The following TENM4 variants were observed in gnomAD, a reference collection of about 807,000 sequenced individuals.
TENM4 encodes teneurin transmembrane protein 4, also known as teneurin-4.
TENM4 carries 82 observed loss-of-function variants against 243.3 expected under a neutral mutation model. The observed-to-expected ratio is 0.34, with a 90% confidence interval of 0.28 to 0.40. TENM4 has a LOEUF of 0.40. TENM4 is among the 10% of genes least tolerant of loss of function. TENM4 has a pLI of 1.00. For synonymous variants in TENM4, 1,412 were observed against 1,456.3 expected (o/e 0.97, Z 0.69); for missense variants, 3,138 against 3,673.3 (o/e 0.85, Z 3.77).
At chr11:78,964,061 CT>C (rs1323438771) in intron 6 of TENM4, among the ~76,000 whole-genome samples, 11 of 124,208 alleles carry the variant, frequency 8.9e-5, no homozygotes, top group Non-Finnish European at 1.6e-4. Flanking sequence ...TTTTTTTCCC[CT>C]AGATGGAGTC....
intron 1 of TENM4, among the ~76,000 whole-genome samples, chr11:79,410,800 T>G (rs1474791856): frequency 6.6e-6 from 1 of 152,144 alleles, no homozygotes; most frequent in South Asian, 2.1e-4. Context: ...ATTTAATAAG[T>G]GTGAGTTTCT....
chr11:79,116,144 C>G (rs573718044), intron 4 of TENM4, among the ~76,000 whole-genome samples: 1 of 152,140 alleles, frequency 6.6e-6, no homozygotes, highest in Non-Finnish European at 1.5e-5. Context: ...TTGGTCTTAC[C>G]GTAGGTTTCT....
chr11:79,381,554 G>A (rs931836760), intron 1 of TENM4, among the ~76,000 whole-genome samples: 13 of 150,318 alleles, frequency 8.6e-5, no homozygotes, highest in Admixed American at 2.0e-4. Flanking sequence ...ACTCTGGACC[G>A]AATTTGGGGC....
chr11:79,034,778 T>C (rs1859334364), intron 6 of TENM4, among the ~76,000 whole-genome samples: 1 of 152,136 alleles, frequency 6.6e-6, no homozygotes, highest in African/African-American at 2.4e-5. Context: ...CATGATGATA[T>C]GCACGGACCT....
intron 1 of TENM4, chr11:79,422,282 C>CACACAG (rs1491326331): frequency 1.9e-4 from 29 of 150,656 alleles, no homozygotes; most frequent in African/African-American, 6.7e-4. Context: ...CACACACACA[C>CACACAG]AGAGTAAAGG....
At chr11:79,286,440 G>T (rs1856252502) in intron 2 of TENM4, among the ~76,000 whole-genome samples, 1 of 150,844 alleles carries the variant, frequency 6.6e-6, no homozygotes. Context: ...ATCACCTGAG[G>T]TCAGAAGTTT....
chr11:79,124,241 A>C (rs973776372), intron 4 of TENM4, among the ~76,000 whole-genome samples: 1 of 152,162 alleles, frequency 6.6e-6, no homozygotes, highest in Non-Finnish European at 1.5e-5. Context: ...GATTGGATTG[A>C]AGGATACAAA....
At chr11:79,414,775 A>G (rs940030533) in intron 1 of TENM4, among the ~76,000 whole-genome samples, 26 of 152,270 alleles carry the variant, frequency 1.7e-4, no homozygotes, top group Non-Finnish European at 5.9e-5. Flanking sequence ...GAGCAGAGAC[A>G]TGGAACCCAA....
intron 3 of TENM4, among the ~76,000 whole-genome samples, chr11:79,163,640 G>A (rs1862806547): frequency 6.6e-6 from 1 of 151,752 alleles, no homozygotes; most frequent in South Asian, 2.1e-4. Context: ...AACATATGAT[G>A]TCTGGTTTTC....
intron 6 of TENM4, among the ~76,000 whole-genome samples, chr11:78,986,130 GGGTA>G (rs1428029792): frequency 6.6e-6 from 1 of 152,148 alleles, no homozygotes; most frequent in Non-Finnish European, 1.5e-5. Flanking sequence ...AGGGATGCTG[GGGTA>G]GATAAAATGT....
chr11:78,888,663 G>T (rs1855597318), intron 9 of TENM4, among the ~76,000 whole-genome samples: 1 of 152,184 alleles, frequency 6.6e-6, no homozygotes, highest in African/African-American at 2.4e-5. Context: ...GACAGCCCCT[G>T]TTCAGCCACA....
At chr11:78,943,126 T>C (rs1441140594) in intron 6 of TENM4, among the ~76,000 whole-genome samples, 2 of 152,210 alleles carry the variant, frequency 1.3e-5, no homozygotes, top group Non-Finnish European at 2.9e-5. Flanking sequence ...ATATCCTTAA[T>C]GAATGTGCAC....
intron 3 of TENM4, among the ~76,000 whole-genome samples, chr11:79,177,254 C>A (rs1382361060): frequency 6.6e-6 from 1 of 152,096 alleles, no homozygotes; most frequent in Admixed American, 6.5e-5. Context: ...TTGGAGCCCC[C>A]TTGGTTTTCA....
chr11:78,745,031 T>C (rs2135923204), intron 19 of TENM4, among the ~76,000 whole-genome samples: 1 of 152,306 alleles, frequency 6.6e-6, no homozygotes. Context: ...CTTCCATTTG[T>C]ATTTACCTTG....
Position 78,720,392 on chromosome 11 carries a change from T to C in TENM4, c.3801-2A>G. On this transcript the variant is annotated splice_acceptor_variant, in intron 24 of 33. Transcript: ENST00000278550. LOFTEE classifies it high-confidence loss of function. ...TACCTATGTCTGAAATCTTTATTTC[T>C]GACAGAAGACAGGAGAGCAGGGAAT... The C allele has an allele frequency of 6.2e-7, 1 of 1,613,892 alleles. No individual in the cohort carries two copies. Among genetic ancestry groups the C allele is most frequent in the Non-Finnish European group, 8.5e-7 (1 of 1,179,874 alleles).
intron 12 of TENM4, among the ~76,000 whole-genome samples, chr11:78,828,572 G>A (rs531512740): frequency 1.3e-5 from 2 of 152,298 alleles, no homozygotes; most frequent in South Asian, 4.1e-4. Flanking sequence ...TATCTACTAG[G>A]TAACACTCAA....
At chr11:78,891,136 A>T in intron 8 of TENM4, 102 bp downstream of exon 8, 1 of 1,063,846 alleles carries the variant, frequency 9.4e-7, no homozygotes, top group Non-Finnish European at 1.4e-6. Context: ...CACATGGATC[A>T]CCTCCCCCAG....
intron 6 of TENM4, among the ~76,000 whole-genome samples, chr11:78,930,808 C>T (rs992954116): frequency 2.0e-5 from 3 of 152,228 alleles, no homozygotes; most frequent in East Asian, 3.9e-4. Flanking sequence ...GCCCTTTCTT[C>T]TGACTGTGGC....
intron 2 of TENM4, among the ~76,000 whole-genome samples, chr11:79,236,501 C>T (rs993449999): frequency 5.3e-5 from 8 of 152,160 alleles, no homozygotes; most frequent in East Asian, 3.9e-4. Context: ...CTCTTTCTCG[C>T]GCTGTGATCT....
Sources: allele counts gnomAD v4.1 joint callset (sites outside exome capture counted in the v4.1 genomes callset), GRCh38; gene constraint gnomAD v4.1.1; transcripts MANE v1.5; gene names NCBI Gene and HGNC (gene_info 2026-07-23, HGNC 2026-07-21).